GTF2B: variants seen among roughly 807,000 people sequenced by gnomAD.
GTF2B encodes general transcription factor IIB.
A neutral mutation model predicts 34.6 loss-of-function variants in GTF2B; 20 were observed. That is an observed-to-expected ratio of 0.58 (90% CI 0.41 to 0.84). The LOEUF is 0.84. Ranked by LOEUF, GTF2B falls within the 40% of genes least tolerant of loss-of-function variation. The pLI is 0.00. For missense variants in GTF2B, 237 were observed against 393.3 expected (o/e 0.60, Z 3.36); for synonymous variants, 142 against 132.4 (o/e 1.07, Z -0.50).
At chr1:88,878,933 A>G (rs1045950044) in intron 2 of GTF2B, among the ~76,000 whole-genome samples, 1 of 152,236 alleles carries the variant, frequency 6.6e-6, no homozygotes, top group Non-Finnish European at 1.5e-5. Context: ...TTATCATAGA[A>G]GCAGATCTTA....
chr1:88,879,262 G>C (rs776049876), intron 2 of GTF2B, among the ~76,000 whole-genome samples: 1 of 152,058 alleles, frequency 6.6e-6, no homozygotes, highest in Non-Finnish European at 1.5e-5. Flanking sequence ...TATACTTTTG[G>C]TATTATGAAT....
chr1:88,873,182 G>GTTT (rs869087763), intron 2 of GTF2B, among the ~76,000 whole-genome samples: 164 of 100,434 alleles, frequency 1.6e-3, no homozygotes, highest in East Asian at 2.1e-3. Context: ...ATTCCATTAA[G>GTTT]TTTTTTTTTT....
Position 88,853,209 on chromosome 1 carries a change from C to A in GTF2B, c.*4G>T, listed in dbSNP as rs1673231383. 1 of 1,613,758 alleles carries A rather than the reference C, an allele frequency of 6.2e-7. No homozygotes were observed. Among genetic ancestry groups the A allele is most frequent in the East Asian group, 2.2e-5 (1 of 44,866 alleles). ...TTCAAGAATTTGACGTTAGCTGCCTCAATTTATAGCTGTGGTAGTTTGTCC... is the reference window on the plus strand; with the variant it reads ...TTCAAGAATTTGACGTTAGCTGCCTAAATTTATAGCTGTGGTAGTTTGTCC... On this transcript the variant is annotated 3_prime_UTR_variant, in exon 7 of 7. Coordinates refer to ENST00000370500, the MANE Select transcript of GTF2B (RefSeq NM_001514.6).
chr1:88,886,840 G>A (rs1222646338), intron 2 of GTF2B, among the ~76,000 whole-genome samples: 1 of 151,806 alleles, frequency 6.6e-6, no homozygotes, highest in Non-Finnish European at 1.5e-5. Flanking sequence ...ATTATTTGTT[G>A]GGGAAGAAAG....
Position 88,891,476 on chromosome 1 carries a change from T to C in GTF2B, c.17+7A>G. 1.9e-6 allele frequency: 3 copies of C among 1,602,362 alleles called. No homozygotes were observed. The highest frequency in any genetic ancestry group is 2.3e-5 in the East Asian group (1 of 44,282). ...TCAGCTCGCCGGGCTCGGCGGGACATACTAACCGGCTGGTAGACGCCATCT... is the reference window on the plus strand; with the variant it reads ...TCAGCTCGCCGGGCTCGGCGGGACACACTAACCGGCTGGTAGACGCCATCT... On this transcript the variant is annotated splice_region_variant and intron_variant, in intron 1 of 6. Transcript: ENST00000370500.
intron 2 of GTF2B, among the ~76,000 whole-genome samples, chr1:88,864,431 G>A (rs1199831763): frequency 6.6e-6 from 1 of 152,152 alleles, no homozygotes; most frequent in Non-Finnish European, 1.5e-5. Flanking sequence ...TTAAGAACCA[G>A]ATTTTGCACA....
At chr1:88,853,588 A>AGGTCAG (rs974585045) in intron 6 of GTF2B, among the ~76,000 whole-genome samples, 5 of 152,164 alleles carry the variant, frequency 3.3e-5, no homozygotes, top group African/African-American at 1.2e-4. Context: ...GTGGATCACC[A>AGGTCAG]GGTCAGGAGA....
At chr1:88,863,910 T>G (rs1673494736) in intron 3 of GTF2B, 71 bp downstream of exon 3, 6 of 1,422,416 alleles carry the variant, frequency 4.2e-6, no homozygotes, top group Non-Finnish European at 5.9e-6. Context: ...CTGATACTTT[T>G]GCAAAGTTCC....
At chr1:88,864,961 CAG>C (rs149325425) in intron 2 of GTF2B, among the ~76,000 whole-genome samples, 5,244 of 152,294 alleles carry the variant, frequency 0.034, 238 homozygotes, top group African/African-American at 0.11. Context: ...AAACGCACAT[CAG>C]AGTTTGTTCT....
At chr1:88,888,170 ATACAATAAATGGTTAGGT>A (rs1026382715) in intron 1 of GTF2B, 3 of 152,232 alleles carry the variant, frequency 2.0e-5, no homozygotes, top group African/African-American at 7.2e-5. Context: ...ACCATCTGAA[ATACAATAAATGGTTAGGT>A]TATGGACATC....
chr1:88,859,991 GAATA>G lies in GTF2B; in HGVS notation c.422_425del (p.Leu141SerfsTer10), dbSNP rs1215368358. On this transcript the variant is annotated frameshift_variant, in exon 5 of 7. Coordinates refer to ENST00000370500, the MANE Select transcript of GTF2B (RefSeq NM_001514.6). LOFTEE classifies it high-confidence loss of function. ...GGCTCTTCTGTTCATATACTTGCTTGAATAAATTATTTGTTCGATCCTTCAAAGC... is the reference window on the plus strand; with the variant it reads ...GGCTCTTCTGTTCATATACTTGCTTGAATTATTTGTTCGATCCTTCAAAGC... 1.9e-6 allele frequency: 3 copies of G among 1,613,618 alleles called. No individual in the cohort carries two copies. In the African/African-American group the frequency reaches 4.0e-5, roughly 22 times the overall value.
intron 2 of GTF2B, among the ~76,000 whole-genome samples, chr1:88,884,279 G>T (rs1674015379): frequency 6.6e-6 from 1 of 152,084 alleles, no homozygotes; most frequent in African/African-American, 2.4e-5. Context: ...ATCCGCCTCA[G>T]CCTCCGAAAG....
chr1:88,884,904 A>C (rs1674026621), intron 2 of GTF2B, among the ~76,000 whole-genome samples: 1 of 152,228 alleles, frequency 6.6e-6, no homozygotes, highest in Non-Finnish European at 1.5e-5. Context: ...TTTTGGTGTG[A>C]TGGATATGTA....
At chr1:88,856,963 G>C (rs1254608673) in intron 6 of GTF2B, among the ~76,000 whole-genome samples, 4 of 151,952 alleles carry the variant, frequency 2.6e-5, no homozygotes, top group Non-Finnish European at 5.9e-5. Context: ...ACCACACCCA[G>C]CTAATTTTTG....
At chr1:88,881,099 AC>A (rs1467553034) in intron 2 of GTF2B, among the ~76,000 whole-genome samples, 1 of 151,234 alleles carries the variant, frequency 6.6e-6, no homozygotes, top group East Asian at 1.9e-4. Context: ...TGTTAAAAAC[AC>A]CACATACTAG....
chr1:88,889,401 A>G (rs1189318831), intron 1 of GTF2B, among the ~76,000 whole-genome samples: 1 of 152,268 alleles, frequency 6.6e-6, no homozygotes, highest in Non-Finnish European at 1.5e-5. Flanking sequence ...AACCACCACC[A>G]CTGACATTAA....
intron 3 of GTF2B, among the ~76,000 whole-genome samples, chr1:88,863,368 G>T (rs999403107): frequency 1.3e-5 from 2 of 151,884 alleles, no homozygotes; most frequent in Non-Finnish European, 2.9e-5. Context: ...TTTTGAGACA[G>T]AGTCTCACTC....
Position 88,857,236 on chromosome 1 carries a change from G to C in GTF2B, c.787C>G (p.Gln263Glu), listed in dbSNP as rs770996219. Residue 263 changes from glutamine (Q) to glutamate (E), a missense_variant, in exon 6 of 7, where the codon CAG becomes GAG. Transcript: ENST00000370500. Reference protein sequence around the residue: ...VAAAAIYMASQASAEKRTQKE... With the variant: ...VAAAAIYMASEASAEKRTQKE... ...TGGGTCCTCTTTTCAGCTGATGCCT[G>C]TGAGGCCATGTAAATAGCTGCCGCT... The C allele has an allele frequency of 1.2e-6, 2 of 1,613,930 alleles. No individual in the cohort carries two copies. Among genetic ancestry groups the C allele is most frequent in the South Asian group, 1.1e-5 (1 of 91,044 alleles).
In GTF2B at chr1:88,857,330, T is replaced by C. The variant is rs768105105; in HGVS notation, c.693A>G (p.Ala231=). 5.0e-6 allele frequency: 8 copies of C among 1,613,720 alleles called. No individual in the cohort carries two copies. The highest frequency in any genetic ancestry group is 5.9e-6 in the Non-Finnish European group (7 of 1,179,732). ...NLCLPKQVQM[A]ATHIARKAVE... ...CAGCTTTACGGGCTATATGTGTAGC[T>C]GCCATCTGTACTTGTTTAGGAAGAC... The change falls in exon 6 of 7, where the codon GCA becomes GCG. Residue 231 remains alanine (A), a synonymous_variant. Transcript: ENST00000370500.
Sources: gnomAD v4.1 joint callset for allele counts (sites outside exome capture counted in the v4.1 genomes callset) on GRCh38, gnomAD v4.1.1 for gene constraint, MANE v1.5 for transcripts, NCBI Gene and HGNC (gene_info 2026-07-23, HGNC 2026-07-21) for gene names.